Variants in DPP10 observed in about 807,000 individuals in gnomAD.
DPP10 encodes the protein dipeptidyl peptidase like 10.
A neutral mutation model predicts 120.9 loss-of-function variants in DPP10; 33 were observed. That is an observed-to-expected ratio of 0.27 (90% confidence interval 0.21 to 0.37). DPP10 has a LOEUF of 0.37. Among genes scored for constraint, DPP10 ranks in the 10% least tolerant of loss-of-function variants. The pLI, the probability that DPP10 is intolerant of heterozygous loss-of-function variation, is 1.00. For synonymous variants in DPP10, 337 were observed against 326.1 expected, an observed-to-expected ratio of 1.03 and a Z score of -0.36; for missense variants, 816 against 942.8, an observed-to-expected ratio of 0.87 and a Z score of 1.76.
intron 1 of DPP10, among the ~76,000 whole-genome samples, chr2:115,002,430 C>G (rs573757793): frequency 6.6e-6 from 1 of 152,156 alleles, no homozygotes; most frequent in South Asian, 2.1e-4. Flanking sequence ...GAAAGATAAC[C>G]TAGGAAATAC....
chr2:115,068,972 A>G (rs1408943939), intron 1 of DPP10, among the ~76,000 whole-genome samples: 1 of 152,054 alleles, frequency 6.6e-6, no homozygotes, highest in Non-Finnish European at 1.5e-5. Context: ...ATAGCTTTGT[A>G]GTATATTTCA....
intron 3 of DPP10, among the ~76,000 whole-genome samples, chr2:115,393,656 C>T (rs1321554796): frequency 6.6e-6 from 1 of 152,146 alleles, no homozygotes; most frequent in Non-Finnish European, 1.5e-5. Context: ...AGAGAGAGAG[C>T]ATTGGAACTT....
chr2:114,593,307 A>T (rs1266386206), intron 1 of DPP10, among the ~76,000 whole-genome samples: 1 of 152,190 alleles, frequency 6.6e-6, no homozygotes, highest in African/African-American at 2.4e-5. Context: ...CGCAATTAAT[A>T]GACTGGGCTT....
Position 115,486,473 on chromosome 2 carries a change from G to A in DPP10, c.272-13037G>A, listed in dbSNP as rs907482272. Among the ~76,000 whole-genome samples, 17 of 152,144 alleles carry A rather than the reference G, an allele frequency of 1.1e-4. No homozygotes were observed. The South Asian group carries it at 1.2e-3, about 11-fold the overall frequency. On this transcript the variant is annotated intron_variant, in intron 3 of 25. Transcript: ENST00000410059. ...TGCAGTGTAGAGTTCTAGACCTTTG[G>A]GATCATATAAACACATCAATCTTTA...
rs529142087 is a variant in DPP10 at position 115,498,336 on chromosome 2, T to C, written c.272-1174T>C. 5.9e-5 allele frequency among the ~76,000 whole-genome samples: 9 copies of C among 152,260 alleles called. No homozygotes were observed. In the South Asian group the frequency reaches 1.0e-3, roughly 18 times the overall value. ...ATTGTACGTGTAACTATTAATAATATTTAAATAATGAGAGAAGGGGTCAGA... is the reference window on the plus strand; with the variant it reads ...ATTGTACGTGTAACTATTAATAATACTTAAATAATGAGAGAAGGGGTCAGA... On this transcript the variant is annotated intron_variant, in intron 3 of 25. Coordinates refer to ENST00000410059, the MANE Select transcript of DPP10 (RefSeq NM_020868.6).
At chr2:115,438,589 G>A (rs546197124) in intron 3 of DPP10, among the ~76,000 whole-genome samples, 29 of 152,206 alleles carry the variant, frequency 1.9e-4, no homozygotes, top group Non-Finnish European at 3.8e-4. Context: ...TCTGACACAT[G>A]CTATCCCATA....
intron 1 of DPP10, among the ~76,000 whole-genome samples, chr2:114,873,089 C>A (rs1374724693): frequency 6.6e-6 from 1 of 152,106 alleles, no homozygotes; most frequent in Non-Finnish European, 1.5e-5. Context: ...CGAAGGCCAC[C>A]ATTTCATCAA....
At chr2:115,450,793 A>T (rs1451628913) in intron 3 of DPP10, among the ~76,000 whole-genome samples, 1 of 151,894 alleles carries the variant, frequency 6.6e-6, no homozygotes, top group Non-Finnish European at 1.5e-5. Context: ...AAGATGCAAT[A>T]ATTTTTAAGT....
At chr2:115,716,745 A>C (rs2092508348) in intron 7 of DPP10, among the ~76,000 whole-genome samples, 2 of 147,318 alleles carry the variant, frequency 1.4e-5, no homozygotes, top group South Asian at 4.1e-4. Context: ...CTATTTATTC[A>C]TTTGTGGCCA....
At chr2:115,696,365 C>G (rs2091588901) in intron 7 of DPP10, among the ~76,000 whole-genome samples, 1 of 152,084 alleles carries the variant, frequency 6.6e-6, no homozygotes, top group South Asian at 2.1e-4. Flanking sequence ...AGAGGCCCTC[C>G]TCGCTTGTCA....
intron 22 of DPP10, 98 bp downstream of exon 22, chr2:115,836,354 T>A: frequency 7.3e-7 from 1 of 1,375,384 alleles, no homozygotes; most frequent in Non-Finnish European, 1.0e-6. Flanking sequence ...TTATCATATG[T>A]TATTAGAGCC....
rs1270190738 is a variant in DPP10 at position 114,815,020 on chromosome 2, G to A, written c.60+372182G>A. On this transcript the variant is annotated intron_variant, in intron 1 of 25. Coordinates refer to ENST00000410059, the MANE Select transcript of DPP10 (RefSeq NM_020868.6). ...AGGAAAGCAATGGCAAGAGAAGGGG[G>A]CAAACCTGAACAGAAGGTTCCCTCC... Among the ~76,000 whole-genome samples, 3 of 152,270 alleles carry A rather than the reference G, an allele frequency of 2.0e-5. No homozygotes were observed. In the East Asian group the frequency reaches 5.8e-4, roughly 29 times the overall value.
chr2:115,163,326 T>C (rs980201024), intron 1 of DPP10, among the ~76,000 whole-genome samples: 22 of 152,274 alleles, frequency 1.4e-4, no homozygotes, highest in African/African-American at 4.6e-4. Flanking sequence ...TGCGGTTTCT[T>C]TTCTCCTCTT....
intron 1 of DPP10, among the ~76,000 whole-genome samples, chr2:115,061,300 T>C (rs1050659213): frequency 6.6e-6 from 1 of 152,212 alleles, no homozygotes; most frequent in African/African-American, 2.4e-5. Flanking sequence ...TAAAAATTCA[T>C]AGATAGAGAT....
chr2:115,012,356 T>G (rs545807316), intron 1 of DPP10, among the ~76,000 whole-genome samples: 3 of 152,198 alleles, frequency 2.0e-5, no homozygotes, highest in South Asian at 2.1e-4. Flanking sequence ...GAGCACCACC[T>G]CCTGGCTGGA....
intron 1 of DPP10, among the ~76,000 whole-genome samples, chr2:114,554,795 T>A (rs1224900575): frequency 6.6e-6 from 1 of 152,250 alleles, no homozygotes; most frequent in African/African-American, 2.4e-5. Context: ...GGTTTGTACA[T>A]CTTCTGCCCC....
chr2:115,696,367 C>T (rs565637976), intron 7 of DPP10, among the ~76,000 whole-genome samples: 3 of 152,190 alleles, frequency 2.0e-5, no homozygotes, highest in South Asian at 4.1e-4. Flanking sequence ...AGGCCCTCCT[C>T]GCTTGTCACA....
chr2:115,044,395 G>C (rs953816960), intron 1 of DPP10, among the ~76,000 whole-genome samples: 2 of 151,904 alleles, frequency 1.3e-5, no homozygotes, highest in African/African-American at 4.8e-5. Flanking sequence ...TTAAGTTTTA[G>C]GGTACATGTG....
At chr2:115,157,256 A>T (rs1224969793) in intron 1 of DPP10, among the ~76,000 whole-genome samples, 1 of 151,826 alleles carries the variant, frequency 6.6e-6, no homozygotes, top group Non-Finnish European at 1.5e-5. Flanking sequence ...AAAAAAAAAA[A>T]AAAAAGAGAG....
Sources: gnomAD v4.1 joint callset for allele counts (sites outside exome capture counted in the v4.1 genomes callset) on GRCh38, gnomAD v4.1.1 for gene constraint, MANE v1.5 for transcripts, NCBI Gene and HGNC (gene_info 2026-07-23, HGNC 2026-07-21) for gene names.